The following GRIK2 variants were observed in gnomAD, a reference collection of about 807,000 sequenced individuals.
The protein encoded by GRIK2 is glutamate receptor ionotropic, kainate 2.
In GRIK2, 32 loss-of-function variants were observed where a neutral mutation model predicts 100.3. The observed-to-expected ratio is 0.32, with a 90% confidence interval of 0.24 to 0.43. The LOEUF (loss-of-function observed/expected upper bound fraction) is 0.43, where lower values mean the gene tolerates loss of function less well. Among genes scored for constraint, GRIK2 ranks in the 20% least tolerant of loss-of-function variants. GRIK2 has a pLI of 1.00. For missense variants in GRIK2, 843 were observed against 1,114.9 expected, an observed-to-expected ratio of 0.76 and a Z score of 3.47; for synonymous variants, 417 against 389.4, an observed-to-expected ratio of 1.07 and a Z score of -0.83.
chr6:101,432,240 C>T (rs1769449501), intron 2 of GRIK2, among the ~76,000 whole-genome samples: 1 of 152,090 alleles, frequency 6.6e-6, no homozygotes, highest in Non-Finnish European at 1.5e-5. Context: ...TCTGCCACCC[C>T]TAGGAAGAGT....
At chr6:101,956,867 T>C (rs1333210694) in intron 14 of GRIK2, among the ~76,000 whole-genome samples, 3 of 148,784 alleles carry the variant, frequency 2.0e-5, no homozygotes, top group African/African-American at 7.3e-5. Context: ...TACATATATA[T>C]ATATAATTTT....
intron 7 of GRIK2, among the ~76,000 whole-genome samples, chr6:101,739,724 C>T (rs1316282103): frequency 6.6e-6 from 1 of 152,068 alleles, no homozygotes; most frequent in African/African-American, 2.4e-5. Flanking sequence ...TGACTGTTTC[C>T]ATCACTTGAT....
intron 2 of GRIK2, among the ~76,000 whole-genome samples, chr6:101,589,973 A>G (rs762190309): frequency 3.3e-5 from 5 of 152,122 alleles, no homozygotes; most frequent in Admixed American, 6.6e-5. Context: ...TATTTGATGT[A>G]CTACAAAAGG....
intron 10 of GRIK2, among the ~76,000 whole-genome samples, chr6:101,843,824 T>G (rs1331243006): frequency 1.3e-5 from 2 of 152,170 alleles, no homozygotes; most frequent in African/African-American, 4.8e-5. Flanking sequence ...AAATTTAAGT[T>G]TATTTTAATT....
intron 2 of GRIK2, among the ~76,000 whole-genome samples, chr6:101,561,046 A>C (rs1471593787): frequency 6.6e-6 from 1 of 152,198 alleles, no homozygotes; most frequent in Non-Finnish European, 1.5e-5. Context: ...CTAAGTAATG[A>C]GACAAAAGAT....
intron 14 of GRIK2, among the ~76,000 whole-genome samples, chr6:101,964,298 T>C (rs1449252196): frequency 1.3e-5 from 2 of 151,900 alleles, no homozygotes; most frequent in Middle Eastern, 3.2e-3. Context: ...CATATATGTA[T>C]ATTATTATAT....
intron 2 of GRIK2, among the ~76,000 whole-genome samples, chr6:101,410,989 G>A (rs1775861579): frequency 6.6e-6 from 1 of 152,000 alleles, no homozygotes; most frequent in Non-Finnish European, 1.5e-5. Flanking sequence ...TAGTTTTTGT[G>A]TTTCTGGAAA....
At chr6:101,556,329 T>TA (rs1776742807) in intron 2 of GRIK2, among the ~76,000 whole-genome samples, 2 of 62,586 alleles carry the variant, frequency 3.2e-5, no homozygotes, top group Non-Finnish European at 5.9e-5. Context: ...TAATTTTTTT[T>TA]TTTTTTTTTT....
At chr6:101,467,833 G>GA (rs1771728123) in intron 2 of GRIK2, among the ~76,000 whole-genome samples, 1 of 150,858 alleles carries the variant, frequency 6.6e-6, no homozygotes, top group Admixed American at 6.6e-5. Flanking sequence ...AAGCAATCTA[G>GA]ATTTTATTTC....
At chr6:102,007,428 G>T (rs1795298778) in intron 14 of GRIK2, among the ~76,000 whole-genome samples, 1 of 152,088 alleles carries the variant, frequency 6.6e-6, no homozygotes, top group African/African-American at 2.4e-5. Context: ...CAAGCTGTTA[G>T]AATATTCTTT....
intron 2 of GRIK2, among the ~76,000 whole-genome samples, chr6:101,569,223 CT>C (rs544080823): frequency 6.4e-4 from 97 of 151,952 alleles, no homozygotes; most frequent in African/African-American, 2.2e-3. Flanking sequence ...AAAAACCCTA[CT>C]TTTTAGTATT....
intron 13 of GRIK2, chr6:101,928,006 G>T (rs2791800): frequency 0.99 from 162,732 of 163,698 alleles, 80,893 homozygotes; most frequent in Middle Eastern, 1. Flanking sequence ...GCTTAAGAAA[G>T]GGATCCAAAA....
intron 2 of GRIK2, among the ~76,000 whole-genome samples, chr6:101,443,542 T>C (rs536804660): frequency 6.6e-6 from 1 of 152,248 alleles, no homozygotes; most frequent in Non-Finnish European, 1.5e-5. Flanking sequence ...TTCAACCATA[T>C]CTTTTGAGAC....
chr6:101,423,106 G>C (rs78564839), intron 2 of GRIK2, among the ~76,000 whole-genome samples: 1 of 152,078 alleles, frequency 6.6e-6, no homozygotes, highest in African/African-American at 2.4e-5. Context: ...TAGAGACACC[G>C]GTCTTTGTAT....
chr6:101,534,640 G>A (rs937319801), intron 2 of GRIK2, among the ~76,000 whole-genome samples: 2 of 151,750 alleles, frequency 1.3e-5, no homozygotes, highest in Non-Finnish European at 2.9e-5. Context: ...AAAGTTTGAG[G>A]AAGACAGTCT....
At chr6:101,428,714 A>T (rs1480681911) in intron 2 of GRIK2, among the ~76,000 whole-genome samples, 1 of 152,196 alleles carries the variant, frequency 6.6e-6, no homozygotes, top group African/African-American at 2.4e-5. Flanking sequence ...CTATAAAATC[A>T]TAGAGTTTAA....
rs1253468824 is a variant in GRIK2 at position 101,738,252 on chromosome 6, C to CAATTGTCAAATGTCAATTGTAATTGT, written c.951+51909_951+51934dup. 4.2e-3 allele frequency among the ~76,000 whole-genome samples: 557 copies of CAATTGTCAAATGTCAATTGTAATTGT among 133,316 alleles called. 4 individuals carry two copies. Among genetic ancestry groups the CAATTGTCAAATGTCAATTGTAATTGT allele is most frequent in the Middle Eastern group, 0.013 (3 of 232 alleles). 87.5% of individuals were successfully genotyped at this position (133,316 alleles called of 152,430 possible). On this transcript the variant is annotated intron_variant, in intron 7 of 16. Transcript: ENST00000369134. ...ATTGTCAAATGTCAATTGTAATTGACAATTGTCAAATGTCAATTGTAATTG... is the reference window on the plus strand; with the variant it reads ...ATTGTCAAATGTCAATTGTAATTGACAATTGTCAAATGTCAATTGTAATTGTAATTGTCAAATGTCAATTGTAATTG...
At chr6:101,861,787 C>G (rs1311252998) in intron 11 of GRIK2, among the ~76,000 whole-genome samples, 1 of 151,776 alleles carries the variant, frequency 6.6e-6, no homozygotes, top group Admixed American at 6.6e-5. Context: ...GCTCTTGACC[C>G]CTAAAGTTTT....
chr6:101,561,158 T>C (rs150106640), intron 2 of GRIK2, among the ~76,000 whole-genome samples: 355 of 152,300 alleles, frequency 2.3e-3, no homozygotes, highest in Non-Finnish European at 3.4e-3. Flanking sequence ...TAGGAAGCTA[T>C]GTGTTTGATG....
Sources: gnomAD v4.1 joint callset for allele counts (sites outside exome capture counted in the v4.1 genomes callset) on GRCh38, gnomAD v4.1.1 for gene constraint, MANE v1.5 for transcripts, NCBI Gene and HGNC (gene_info 2026-07-23, HGNC 2026-07-21) for gene names.